Variants in WDR77 observed in about 807,000 individuals in gnomAD.
The protein encoded by WDR77 is methylosome protein WDR77.
Under a neutral mutation model 44.0 loss-of-function variants are expected in WDR77, and 31 were observed. The observed-to-expected ratio is 0.70, with a 90% CI of 0.53 to 0.95. The LOEUF (loss-of-function observed/expected upper bound fraction) is 0.95. Ranked by LOEUF, WDR77 falls within the 40% of genes least tolerant of loss-of-function variation. The probability of loss-of-function intolerance (pLI) is 0.00; values close to 1 mark genes in which losing one functional copy is unlikely to be tolerated. For missense variants in WDR77, 390 were observed against 423.9 expected, an observed-to-expected ratio of 0.92 and a Z score of 0.70; for synonymous variants, 186 against 165.7, an observed-to-expected ratio of 1.12 and a Z score of -0.94.
Position 111,447,424 on chromosome 1 carries a change from C to T in WDR77, c.443+11G>A. On this transcript the variant is annotated intron_variant, in intron 3 of 9. Coordinates refer to ENST00000235090, the MANE Select transcript of WDR77 (RefSeq NM_024102.4). ...GGCTTAGAGACAGGAGCAATGAGAA[C>T]AGGGACCCACCAGATGTCTTTGCTA... 1 of 1,614,012 alleles carries T rather than the reference C, an allele frequency of 6.2e-7. No individual in the cohort carries two copies. The highest frequency in any genetic ancestry group is 8.5e-7 in the Non-Finnish European group (1 of 1,179,940).
chr1:111,446,917 A>C, intron 4 of WDR77, 178 bp downstream of exon 4: 1 of 655,394 alleles, frequency 1.5e-6, no homozygotes, highest in Non-Finnish European at 2.6e-6. Flanking sequence ...ATTAAAAAAA[A>C]AGAAAGAAAG....
chr1:111,441,957 G>A (rs1222368483), intron 9 of WDR77, 68 bp downstream of exon 9: 6 of 1,422,088 alleles, frequency 4.2e-6, no homozygotes, highest in Admixed American at 1.7e-5. Context: ...GTTTTCTGAA[G>A]AGGAAAATGA....
chr1:111,443,925 G>A lies in WDR77; in HGVS notation c.565-4C>T. The A allele has an allele frequency of 1.9e-6, 3 of 1,614,194 alleles. No individual in the cohort carries two copies. The highest frequency in any genetic ancestry group is 1.7e-6 in the Non-Finnish European group (2 of 1,180,032). ...CCCAGAGTAAAATTCTATTGTCCTA[G>A]AGGAAGGTGGAACAGAAAAAGGATT... On this transcript the variant is annotated splice_region_variant and splice_polypyrimidine_tract_variant and intron_variant, in intron 5 of 9. Transcript: ENST00000235090.
rs1300293048 is a variant in WDR77, at chr1:111,445,911, G to GA, written c.493+1183dup. Reference sequence around the variant, plus strand: ...AGCCTCCCAAGTAGCTGGGATTACAGATGTGCACCACTACGCCTGGCTAAT... The same window carrying GA: ...AGCCTCCCAAGTAGCTGGGATTACAGAATGTGCACCACTACGCCTGGCTAAT... On this transcript the variant is annotated intron_variant, in intron 4 of 9. Coordinates refer to ENST00000235090, the MANE Select transcript of WDR77 (RefSeq NM_024102.4). 2.0e-5 allele frequency among the ~76,000 whole-genome samples: 3 copies of GA among 152,112 alleles called. No homozygotes were observed. In the East Asian group the frequency reaches 5.8e-4, roughly 29 times the overall value.
chr1:111,443,481 C>A, intron 6 of WDR77, 87 bp from the exon 7 acceptor site: 1 of 1,396,134 alleles, frequency 7.2e-7, no homozygotes, highest in Non-Finnish European at 9.9e-7. Context: ...ATCCTGGGAG[C>A]ACCTTTATTT....
At chr1:111,444,623 C>G (rs1255291972) in intron 4 of WDR77, among the ~76,000 whole-genome samples, 1 of 152,130 alleles carries the variant, frequency 6.6e-6, no homozygotes, top group African/African-American at 2.4e-5. Flanking sequence ...GTCATTCATC[C>G]CAGATCTTTC....
Position 111,444,082 on chromosome 1 carries a change from T to C in WDR77, c.536A>G (p.Lys179Arg), listed in dbSNP as rs1310273792. 1 of 1,613,864 alleles carries C rather than the reference T, an allele frequency of 6.2e-7. No individual in the cohort carries two copies. Among genetic ancestry groups the C allele is most frequent in the African/African-American group, 1.3e-5 (1 of 74,864 alleles). The change falls in exon 5 of 10, where the codon AAG (lysine) becomes AGG (arginine). Residue 179 changes from lysine (K) to arginine (R), a missense_variant. Physicochemically the swap from Lys to Arg is conservative, Grantham distance 26. Transcript: ENST00000235090. The stretch of plus-strand genomic sequence containing the variant: ...GCTGCATGAAAGAAACACAGAGTCC[T>C]TGTGAGGAGAGGCAGCAACACAAGT... Reference protein sequence around the residue: ...QVTCVAASPHKDSVFLSCSED... With the variant: ...QVTCVAASPHRDSVFLSCSED...
chr1:111,444,730 A>G (rs1466664941), intron 4 of WDR77, among the ~76,000 whole-genome samples: 1 of 152,236 alleles, frequency 6.6e-6, no homozygotes, highest in Non-Finnish European at 1.5e-5. Context: ...AAGAAAGAGC[A>G]TCTAGGTAAA....
chr1:111,444,021 A>C (rs779956967), intron 5 of WDR77, 33 bp downstream of exon 5: 1 of 1,613,726 alleles, frequency 6.2e-7, no homozygotes, highest in African/African-American at 1.3e-5. Flanking sequence ...GGATGGCTGG[A>C]GTGTGTTTAG....
At position 111,447,589 on chromosome 1, in the gene WDR77, G is replaced by C; in HGVS notation, c.302-13C>G. The C allele has an allele frequency of 6.2e-7, 1 of 1,614,126 alleles. No homozygotes were observed. The highest frequency in any genetic ancestry group is 8.5e-7 in the Non-Finnish European group (1 of 1,179,980). ...AATTCAACAGCACCTGTTGGGGGTA[G>C]GGTAAGGAAAACATGAGCTTGGATT... On this transcript the variant is annotated splice_polypyrimidine_tract_variant and intron_variant, in intron 2 of 9. Transcript: ENST00000235090.
rs1364670656 is a variant in WDR77, at chr1:111,442,668, A to C, written c.785T>G (p.Val262Gly). Residue 262 changes from valine to glycine, a missense_variant, in exon 8 of 10, where the codon GTG becomes GGG. Physicochemically the swap from Val to Gly is moderately radical, Grantham distance 109 (BLOSUM62 -3). Coordinates refer to ENST00000235090, the MANE Select transcript of WDR77 (RefSeq NM_024102.4). ...AVHSQCVTGL[V>G]FSPHSVPFLA... ...AGAACAGTACCTGTGTGGGGAGAAC[A>C]CCAGCCCAGTGACACACTGGGAGTG... is the stretch of plus-strand genomic sequence containing the variant. 2 of 1,580,548 alleles carry C rather than the reference A, an allele frequency of 1.3e-6. No individual in the cohort carries two copies. Among genetic ancestry groups the C allele is most frequent in the African/African-American group, 2.7e-5 (2 of 74,168 alleles).
chr1:111,447,248 C>T (rs1653079873), intron 3 of WDR77, 104 bp from the exon 4 acceptor site: 7 of 1,496,286 alleles, frequency 4.7e-6, no homozygotes, highest in African/African-American at 1.4e-5. Flanking sequence ...CAAGTCTTTG[C>T]CTCTTGGACT....
chr1:111,444,221 G>A, intron 4 of WDR77, 97 bp from the exon 5 acceptor site: 4 of 1,061,586 alleles, frequency 3.8e-6, no homozygotes, highest in Non-Finnish European at 4.3e-6. Context: ...AGGGAGGGAG[G>A]GCTGGTCTCA....
chr1:111,449,049 G>A lies in WDR77; in HGVS notation c.115+6C>T. 1.3e-6 allele frequency: 2 copies of A among 1,579,478 alleles called. No individual in the cohort carries two copies. Among genetic ancestry groups the A allele is most frequent in the East Asian group, 2.3e-5 (1 of 43,134 alleles). ...GGGAGCTCCCAGGCCCGGGATCTCG[G>A]CTCACCGGACCGGTACCGCGCAGCC... On this transcript the variant is annotated splice_donor_region_variant and intron_variant, in intron 1 of 9. Transcript: ENST00000235090.
intron 3 of WDR77, 39 bp downstream of exon 3, chr1:111,447,396 G>A: frequency 6.2e-7 from 1 of 1,612,402 alleles, no homozygotes; most frequent in African/African-American, 1.3e-5. Flanking sequence ...GGCACCCACA[G>A]GAGGCTTAGA....
rs1653172741 is a variant in WDR77, at chr1:111,448,823, G to A, written c.116-19C>T. The A allele has an allele frequency of 2.6e-6, 4 of 1,559,216 alleles. No homozygotes were observed. In the African/African-American group the frequency reaches 4.1e-5, roughly 16 times the overall value. On this transcript the variant is annotated intron_variant, in intron 1 of 9. Transcript: ENST00000235090. ...GCCCCATCTACGGGGGGTACAAGCTGTCAGCGCGTGAAGGGTAGAAGGGTT... is the reference window on the plus strand; with the variant it reads ...GCCCCATCTACGGGGGGTACAAGCTATCAGCGCGTGAAGGGTAGAAGGGTT...
intron 3 of WDR77, 130 bp from the exon 4 acceptor site, chr1:111,447,274 T>A (rs1453763916): frequency 6.8e-7 from 1 of 1,468,076 alleles, no homozygotes; most frequent in Admixed American, 1.9e-5. Context: ...TATGGTCTAC[T>A]TACGATGGAC....
intron 4 of WDR77, 30 bp from the exon 5 acceptor site, chr1:111,444,154 T>C (rs1230418318): frequency 6.8e-6 from 11 of 1,606,086 alleles, no homozygotes; most frequent in South Asian, 2.2e-5. Context: ...AGAAATATGA[T>C]AGAAAACAAG....
In WDR77 at chr1:111,447,117, C is replaced by G; in HGVS notation, c.471G>C (p.Gln157His). Residue 157 changes from glutamine to histidine, a missense_variant, in exon 4 of 10, where the codon CAG becomes CAC. Physicochemically the swap from Gln to His is conservative, Grantham distance 24. Transcript: ENST00000235090. ...ICIKVWDLAQ[Q>H]VVLSSYRAHA... ...CACCTCGGTATGAACTCAGTACCACCTGCTGAGCAAGGTCCCAAACCTTGA... is the reference window on the plus strand; with the variant it reads ...CACCTCGGTATGAACTCAGTACCACGTGCTGAGCAAGGTCCCAAACCTTGA... 6.2e-7 allele frequency: 1 copy of G among 1,614,188 alleles called. No homozygotes were observed.
Sources: allele counts gnomAD v4.1 joint callset (sites outside exome capture counted in the v4.1 genomes callset), GRCh38; gene constraint gnomAD v4.1.1; transcripts MANE v1.5; gene names NCBI Gene and HGNC (gene_info 2026-07-23, HGNC 2026-07-21).